Variants in HSD17B12 observed in about 807,000 individuals in gnomAD.
The protein encoded by HSD17B12 is very-long-chain 3-oxoacyl-CoA reductase.
HSD17B12 carries 32 observed loss-of-function variants against 39.3 expected under a neutral mutation model. The observed-to-expected ratio is 0.81, with a 90% CI of 0.61 to 1.09. HSD17B12 has a LOEUF of 1.09. Ranked by LOEUF, HSD17B12 falls within the 50% of genes least tolerant of loss-of-function variation. HSD17B12 has a pLI of 0.00. For synonymous variants in HSD17B12, 150 were observed against 146.7 expected (o/e 1.02, Z -0.16); for missense variants, 342 against 382.9 (o/e 0.89, Z 0.89).
the HSD17B12 span, among the ~76,000 whole-genome samples, chr11:43,595,386 G>A: frequency 6.6e-6 from 1 of 152,222 alleles, no homozygotes; most frequent in Non-Finnish European, 1.5e-5. Context: ...AGATCAGCTG[G>A]TAAGTGATAT....
At chr11:43,588,168 G>A in the HSD17B12 span, among the ~76,000 whole-genome samples, 1 of 152,182 alleles carries the variant, frequency 6.6e-6, no homozygotes, top group Non-Finnish European at 1.5e-5. Flanking sequence ...GGGCAAAGGG[G>A]CATTTACTGA....
the HSD17B12 span, among the ~76,000 whole-genome samples, chr11:43,616,797 TAA>T: frequency 1.5e-4 from 9 of 59,724 alleles, no homozygotes; most frequent in South Asian, 1.5e-3. Flanking sequence ...GTGCCCAAAC[TAA>T]AAAAAAAAAA....
At chr11:43,799,824 A>T (rs1950949341) in intron 4 of HSD17B12, among the ~76,000 whole-genome samples, 1 of 152,196 alleles carries the variant, frequency 6.6e-6, no homozygotes, top group African/African-American at 2.4e-5. Flanking sequence ...AAAATCAGTT[A>T]AACAAGTATA....
At chr11:43,655,879 G>A in the HSD17B12 span, among the ~76,000 whole-genome samples, 45 of 152,142 alleles carry the variant, frequency 3.0e-4, no homozygotes, top group East Asian at 8.5e-3. Context: ...TTTTGGTTGT[G>A]TCTCCGTCAG....
the HSD17B12 span, among the ~76,000 whole-genome samples, chr11:43,608,852 A>G: frequency 6.6e-5 from 10 of 152,322 alleles, no homozygotes; most frequent in Non-Finnish European, 1.5e-4. Flanking sequence ...AAATGGGAAT[A>G]ATAGTATCTC....
intron 3 of HSD17B12, among the ~76,000 whole-genome samples, chr11:43,790,887 G>A (rs1413007163): frequency 5.3e-5 from 8 of 152,020 alleles, no homozygotes; most frequent in South Asian, 2.1e-4. Flanking sequence ...CCAGCTACTC[G>A]GAAGGCTGAG....
the HSD17B12 span, among the ~76,000 whole-genome samples, chr11:43,574,394 G>T: frequency 3.3e-5 from 5 of 152,220 alleles, no homozygotes; most frequent in South Asian, 2.1e-4. Flanking sequence ...CTCCAGCCAT[G>T]ATTGTAAATA....
intron 6 of HSD17B12, 190 bp from the exon 7 acceptor site, chr11:43,830,786 T>C: frequency 2.4e-6 from 1 of 414,780 alleles, no homozygotes; most frequent in Admixed American, 4.4e-5. Context: ...CTCCAGTAAT[T>C]TCAGCTGGTT....
At chr11:43,658,090 C>T in the HSD17B12 span, among the ~76,000 whole-genome samples, 1 of 152,132 alleles carries the variant, frequency 6.6e-6, no homozygotes, top group African/African-American at 2.4e-5. Flanking sequence ...AGGCTTTGTT[C>T]GTTTCTTTTT....
chr11:43,670,866 C>A, the HSD17B12 span, among the ~76,000 whole-genome samples: 5 of 151,926 alleles, frequency 3.3e-5, no homozygotes, highest in Admixed American at 6.6e-5. Context: ...GCCTGGGTGA[C>A]AGAGCAAGAC....
At chr11:43,618,547 C>T in the HSD17B12 span, among the ~76,000 whole-genome samples, 2 of 152,154 alleles carry the variant, frequency 1.3e-5, no homozygotes, top group African/African-American at 4.8e-5. Context: ...TATTTGGGAG[C>T]TATTGTTTTG....
chr11:43,748,723 G>A (rs932229715), intron 1 of HSD17B12, among the ~76,000 whole-genome samples: 1 of 152,160 alleles, frequency 6.6e-6, no homozygotes, highest in Non-Finnish European at 1.5e-5. Flanking sequence ...ATTTAAATCT[G>A]TTAGTTACTA....
chr11:43,781,947 C>T (rs1292644704), intron 3 of HSD17B12, among the ~76,000 whole-genome samples: 2 of 152,158 alleles, frequency 1.3e-5, no homozygotes, highest in Non-Finnish European at 2.9e-5. Context: ...GTGTATGTTA[C>T]AGTTATTAGG....
At chr11:43,605,069 G>T in the HSD17B12 span, among the ~76,000 whole-genome samples, 29 of 152,212 alleles carry the variant, frequency 1.9e-4, no homozygotes, top group Non-Finnish European at 3.5e-4. Flanking sequence ...CAGGCTTTCT[G>T]TGGTCAGAAT....
chr11:43,790,043 A>G (rs1457409161), intron 3 of HSD17B12, among the ~76,000 whole-genome samples: 3 of 152,218 alleles, frequency 2.0e-5, no homozygotes, highest in African/African-American at 7.2e-5. Flanking sequence ...GCAACAATGC[A>G]GCTTATAACC....
At chr11:43,829,326 T>A (rs1951284321) in intron 6 of HSD17B12, among the ~76,000 whole-genome samples, 1 of 152,208 alleles carries the variant, frequency 6.6e-6, no homozygotes, top group Non-Finnish European at 1.5e-5. Flanking sequence ...ATATAAAGAA[T>A]ATATTTTGAA....
intron 9 of HSD17B12, among the ~76,000 whole-genome samples, chr11:43,850,467 A>G (rs1489102513): frequency 6.6e-6 from 1 of 152,134 alleles, no homozygotes; most frequent in African/African-American, 2.4e-5. Flanking sequence ...TACTGTGCAA[A>G]TACACTAGAC....
chr11:43,758,321 C>T lies in HSD17B12; in HGVS notation c.283+4200C>T, dbSNP rs990446373. Among the ~76,000 whole-genome samples, 4 of 152,202 alleles carry T rather than the reference C, an allele frequency of 2.6e-5. No individual in the cohort carries two copies. In the South Asian group the frequency reaches 6.2e-4, roughly 24 times the overall value. On this transcript the variant is annotated intron_variant, in intron 3 of 10. Coordinates refer to ENST00000278353, the MANE Select transcript of HSD17B12 (RefSeq NM_016142.3). Reference sequence around the variant, plus strand: ...ATTAGAGGATCTTCAAGCCAGAGAACGCCAATCTTGGGAGACACAGGCAGG... The same window carrying T: ...ATTAGAGGATCTTCAAGCCAGAGAATGCCAATCTTGGGAGACACAGGCAGG...
upstream of HSD17B12, among the ~76,000 whole-genome samples, chr11:43,678,787 G>T (rs932746371): frequency 2.0e-5 from 3 of 152,138 alleles, no homozygotes; most frequent in Non-Finnish European, 4.4e-5. Context: ...CTGTTCCATT[G>T]GTTTATATCT....
Sources: allele counts gnomAD v4.1 joint callset (sites outside exome capture counted in the v4.1 genomes callset), GRCh38; gene constraint gnomAD v4.1.1; transcripts MANE v1.5; gene names NCBI Gene and HGNC (gene_info 2026-07-23, HGNC 2026-07-21).